Variants in CSKMT observed in about 807,000 individuals in gnomAD.
The protein encoded by CSKMT is citrate synthase lysine methyltransferase.
A neutral mutation model predicts 4.6 loss-of-function variants in CSKMT; 6 were observed. That is an observed-to-expected ratio of 1.31 (90% CI 0.72 to 2.59). The LOEUF (loss-of-function observed/expected upper bound fraction) is 2.59. CSKMT is among the 30% of genes most tolerant of loss of function. The pLI, the probability that CSKMT is intolerant of heterozygous loss-of-function variation, is 0.00. For synonymous variants in CSKMT, 142 were observed against 128.9 expected (o/e 1.10, Z -0.69); for missense variants, 328 against 298.0 (o/e 1.10, Z -0.74).
In CSKMT at chr11:62,667,141, G is replaced by T; in HGVS notation, c.*90G>T. 7.4e-7 allele frequency: 1 copy of T among 1,349,018 alleles called. No homozygotes were observed. The highest frequency in any genetic ancestry group is 1.0e-6 in the Non-Finnish European group (1 of 986,520). The allele number at this position is 1,349,018 out of a possible 1,614,324, so 83.6% of individuals were successfully genotyped here. ...TGCAAGCTATCTGGCTGCAAAGTGA[G>T]AATTTGAGTCCTGGCTTCCACATTT... On this transcript the variant is annotated 3_prime_UTR_variant, in exon 3 of 3. Coordinates refer to ENST00000532971, the MANE Select transcript of CSKMT (RefSeq NM_001043229.2).
rs1452963032 is a variant in CSKMT at position 62,666,544 on chromosome 11, G to A, written c.216G>A (p.Gln72=). ...GLLLPLLQEA[Q]AASPLRVLDV... is the part of the protein sequence containing the mutation. ...TACTGCCATTGCTGCAGGAGGCACA[G>A]GCTGCCAGTCCTCTGCGAGTGCTGG... The change falls in exon 3 of 3, where the codon CAG becomes CAA. Residue 72 remains glutamine (Q), a synonymous_variant. Coordinates refer to ENST00000532971, the MANE Select transcript of CSKMT (RefSeq NM_001043229.2). 1.9e-6 allele frequency: 3 copies of A among 1,614,188 alleles called. No homozygotes were observed. The highest frequency in any genetic ancestry group is 1.6e-4 in the Middle Eastern group (1 of 6,062).
intron 1 of CSKMT, 95 bp from the exon 2 acceptor site, chr11:62,665,552 C>T (rs1944782715): frequency 1.9e-6 from 3 of 1,569,860 alleles, no homozygotes; most frequent in Non-Finnish European, 2.6e-6. Context: ...TGGTTCTATC[C>T]TCAAACGCCG....
intron 2 of CSKMT, chr11:62,666,167 G>T (rs1328909009): frequency 1.4e-6 from 1 of 699,408 alleles, no homozygotes; most frequent in African/African-American, 1.8e-5. Context: ...GGGCAACATA[G>T]CGAGACCCTG....
rs899188705 is a variant in CSKMT, at chr11:62,665,830, G to A, written c.-50G>A. On this transcript the variant is annotated 5_prime_UTR_variant, in exon 2 of 3. Transcript: ENST00000532971. Reference sequence around the variant, plus strand: ...CCTCAGGCCTCTCCGGCTGGAGTAGGGTGGACGCTTCACATAAGCTTCTCT... The same window carrying A: ...CCTCAGGCCTCTCCGGCTGGAGTAGAGTGGACGCTTCACATAAGCTTCTCT... 5.0e-6 allele frequency: 8 copies of A among 1,602,080 alleles called. No homozygotes were observed. Among genetic ancestry groups the A allele is most frequent in the East Asian group, 4.5e-5 (2 of 44,574 alleles).
intron 1 of CSKMT, 29 bp downstream of exon 1, chr11:62,665,361 G>A: frequency 4.4e-6 from 4 of 918,334 alleles, no homozygotes; most frequent in Non-Finnish European, 5.0e-6. Context: ...GTAGTAGCCA[G>A]ATTGGGCGGC....
intron 2 of CSKMT, chr11:62,666,182 C>CA (rs1227920592): frequency 3.5e-5 from 25 of 709,362 alleles, no homozygotes; most frequent in Non-Finnish European, 4.6e-5. Flanking sequence ...ACCCTGTCTA[C>CA]AAAAAAAATT....
Position 62,667,090 on chromosome 11 carries a change from C to T in CSKMT, c.*39C>T, listed in dbSNP as rs1220346052. ...GTCCTGACCCTAGTATTTCTGTGGG[C>T]AAGGAGAGGGCTGAAGAACTGTCTT... On this transcript the variant is annotated 3_prime_UTR_variant, in exon 3 of 3. Coordinates refer to ENST00000532971, the MANE Select transcript of CSKMT (RefSeq NM_001043229.2). The T allele has an allele frequency of 7.9e-6, 12 of 1,523,518 alleles. No individual in the cohort carries two copies. The highest frequency in any genetic ancestry group is 1.1e-5 in the Non-Finnish European group (12 of 1,134,430). 94.4% of individuals were successfully genotyped at this position (1,523,518 alleles called of 1,614,324 possible).
At chr11:62,665,572 G>T (rs770433233) in intron 1 of CSKMT, 75 bp from the exon 2 acceptor site, 5 of 1,568,962 alleles carry the variant, frequency 3.2e-6, no homozygotes, top group South Asian at 1.1e-5. Context: ...GGGACACCGG[G>T]AATCTCGGAG....
Position 62,666,495 on chromosome 11 carries a change from G to T in CSKMT, c.167G>T (p.Gly56Val). Residue 56 changes from glycine to valine, a missense_variant, in exon 3 of 3, where the codon GGA becomes GTA. Gly to Val is a moderately radical substitution (Grantham distance 109). Coordinates refer to ENST00000532971, the MANE Select transcript of CSKMT (RefSeq NM_001043229.2). ...GTCCCCACCTTCGACTGGTTCTTTG[G>T]ATACGACGAAGTCCAGGGGCTCCTA... ...GTVPTFDWFF[G>V]YDEVQGLLLP... 1 of 1,614,102 alleles carries T rather than the reference G, an allele frequency of 6.2e-7. No individual in the cohort carries two copies. The highest frequency in any genetic ancestry group is 8.5e-7 in the Non-Finnish European group (1 of 1,180,036).
At chr11:62,666,119 G>A (rs1483603816) in intron 2 of CSKMT, 173 bp downstream of exon 2, 5 of 826,750 alleles carry the variant, frequency 6.0e-6, no homozygotes, top group Non-Finnish European at 9.3e-6. Context: ...AGGCCGAGGC[G>A]GGCAGATCGC....
At chr11:62,666,155 T>G in intron 2 of CSKMT, 1 of 707,170 alleles carries the variant, frequency 1.4e-6, no homozygotes, top group Non-Finnish European at 2.3e-6. Flanking sequence ...GAGACCAACC[T>G]AGGGCAACAT....
rs1944860921 is a variant in CSKMT at position 62,667,845 on chromosome 11, C to T, written c.*794C>T. On this transcript the variant is annotated 3_prime_UTR_variant, in exon 3 of 3. Coordinates refer to ENST00000532971, the MANE Select transcript of CSKMT (RefSeq NM_001043229.2). ...CTGGCTCATACCTATAATCACAGCA[C>T]TTTGGGAGGCCAAGGTGGGCAGATT... 2 of 841,502 alleles carry T rather than the reference C, an allele frequency of 2.4e-6. No individual in the cohort carries two copies. The highest frequency in any genetic ancestry group is 2.3e-5 in the Admixed American group (1 of 43,508). 52.1% of individuals were successfully genotyped at this position (841,502 alleles called of 1,614,324 possible).
At position 62,665,778 on chromosome 11, in the gene CSKMT, C is replaced by T. The variant is rs2134620883; in HGVS notation, c.-102C>T. 1 of 1,537,818 alleles carries T rather than the reference C, an allele frequency of 6.5e-7. No individual in the cohort carries two copies. Among genetic ancestry groups the T allele is most frequent in the Non-Finnish European group, 8.8e-7 (1 of 1,140,200 alleles). On this transcript the variant is annotated 5_prime_UTR_variant, in exon 2 of 3. The change creates a new upstream start codon in the 5' untranslated region. Transcript: ENST00000532971. ...GGAAGCTGTACGCCGCCTTTCGCTACGCGGAATTTGCAGATCTTCCCCTGG... is the reference window on the plus strand; with the variant it reads ...GGAAGCTGTACGCCGCCTTTCGCTATGCGGAATTTGCAGATCTTCCCCTGG...
chr11:62,667,639 T>A lies in CSKMT; in HGVS notation c.*588T>A. On this transcript the variant is annotated 3_prime_UTR_variant, in exon 3 of 3. Coordinates refer to ENST00000532971, the MANE Select transcript of CSKMT (RefSeq NM_001043229.2). ...GTTGGTGGCTTCCAGACATGCTGTGTCCTCAAGAATCCAACAAGCATCTTC... is the reference window on the plus strand; with the variant it reads ...GTTGGTGGCTTCCAGACATGCTGTGACCTCAAGAATCCAACAAGCATCTTC... 4.3e-6 allele frequency: 7 copies of A among 1,614,150 alleles called. No individual in the cohort carries two copies. Among genetic ancestry groups the A allele is most frequent in the Non-Finnish European group, 5.9e-6 (7 of 1,180,010 alleles).
At chr11:62,665,378 T>C (rs999250449) in intron 1 of CSKMT, 46 bp downstream of exon 1, 11 of 1,059,864 alleles carry the variant, frequency 1.0e-5, no homozygotes, top group Non-Finnish European at 1.4e-5. Context: ...CGGCCGGGAG[T>C]GGTGGGGGTG....
Position 62,665,787 on chromosome 11 carries a change from TG to T in CSKMT, c.-92del. On this transcript the variant is annotated 5_prime_UTR_variant, in exon 2 of 3. Transcript: ENST00000532971. ...ACGCCGCCTTTCGCTACGCGGAATTTGCAGATCTTCCCCTGGACCTCAGGCC... is the reference window on the plus strand; with the variant it reads ...ACGCCGCCTTTCGCTACGCGGAATTTCAGATCTTCCCCTGGACCTCAGGCC... 1 of 1,550,660 alleles carries T rather than the reference TG, an allele frequency of 6.4e-7. No homozygotes were observed. The highest frequency in any genetic ancestry group is 8.7e-7 in the Non-Finnish European group (1 of 1,145,676).
In CSKMT at chr11:62,667,799, T is replaced by G. The variant is rs372748611; in HGVS notation, c.*748T>G. ...AAATATTACTGATATATTATCAAATTACAAAACTAGGCCAGGCATGCTGGC... is the reference window on the plus strand; with the variant it reads ...AAATATTACTGATATATTATCAAATGACAAAACTAGGCCAGGCATGCTGGC... On this transcript the variant is annotated 3_prime_UTR_variant, in exon 3 of 3. Transcript: ENST00000532971. The G allele has an allele frequency of 2.5e-4, 325 of 1,311,630 alleles. 2 individuals are homozygous for G. In the Middle Eastern group the frequency reaches 6.0e-3, roughly 24 times the overall value. 81.2% of individuals were successfully genotyped at this position (1,311,630 alleles called of 1,614,324 possible).
rs1187685440 is a variant in CSKMT at position 62,666,412 on chromosome 11, T to G, written c.84T>G (p.Ser28Arg). The G allele has an allele frequency of 6.2e-7, 1 of 1,610,410 alleles. No individual in the cohort carries two copies. The highest frequency in any genetic ancestry group is 8.5e-7 in the Non-Finnish European group (1 of 1,180,004). ...CRPFAGSLAD[S>R]CLADRCLWDR... ...TGCCCACAGGCTCACTGGCTGATAG[T>G]TGCCTGGCGGACCGCTGTCTCTGGG... Residue 28 changes from serine to arginine, a missense_variant, in exon 3 of 3, where the codon AGT becomes AGG. Physicochemically the swap from Ser to Arg is moderately radical, Grantham distance 110. Coordinates refer to ENST00000532971, the MANE Select transcript of CSKMT (RefSeq NM_001043229.2).
Position 62,666,668 on chromosome 11 carries a change from G to A in CSKMT, c.340G>A (p.Ala114Thr). The stretch of plus-strand genomic sequence containing the variant: ...GGTGGACTTTTCTCCTGTGGCTGTG[G>A]CCCACATGAATAGCCTCCTGGAGGG... ...LGVDFSPVAVAHMNSLLEGGP... is the reference protein window; with the variant it reads ...LGVDFSPVAVTHMNSLLEGGP... The change falls in exon 3 of 3, where the codon GCC (alanine) becomes ACC (threonine). Residue 114 changes from alanine to threonine, a missense_variant. Physicochemically the swap from Ala to Thr is moderately conservative, Grantham distance 58. Coordinates refer to ENST00000532971, the MANE Select transcript of CSKMT (RefSeq NM_001043229.2). The A allele has an allele frequency of 6.2e-7, 1 of 1,614,080 alleles. No individual in the cohort carries two copies.
Sources: gnomAD v4.1 joint callset for allele counts on GRCh38, gnomAD v4.1.1 for gene constraint, MANE v1.5 for transcripts, NCBI Gene and HGNC (gene_info 2026-07-23, HGNC 2026-07-21) for gene names.